DLGAP1: variants seen among roughly 807,000 people sequenced by gnomAD.
DLGAP1 encodes DLG associated protein 1.
DLGAP1 carries 11 observed loss-of-function variants against 90.8 expected under a neutral mutation model. That is an observed-to-expected ratio of 0.12 (90% CI 0.08 to 0.20). DLGAP1 has a LOEUF of 0.20. Among genes scored for constraint, DLGAP1 ranks in the 10% least tolerant of loss-of-function variants. The pLI, the probability that DLGAP1 is intolerant of heterozygous loss-of-function variation, is 1.00. For synonymous variants in DLGAP1, 558 were observed against 540.7 expected (o/e 1.03, Z -0.44); for missense variants, 1,050 against 1,333.8 (o/e 0.79, Z 3.31).
intron 4 of DLGAP1, among the ~76,000 whole-genome samples, chr18:3,876,635 G>A (rs990644316): frequency 1.3e-5 from 2 of 152,118 alleles, no homozygotes; most frequent in Non-Finnish European, 2.9e-5. Context: ...GGAAGTAAAG[G>A]GATTAATATG....
At chr18:3,941,794 C>G (rs544929298) in intron 3 of DLGAP1, among the ~76,000 whole-genome samples, 1 of 152,292 alleles carries the variant, frequency 6.6e-6, no homozygotes, top group South Asian at 2.1e-4. Context: ...TTCACTGCAG[C>G]CTCCACCTCC....
intron 3 of DLGAP1, among the ~76,000 whole-genome samples, chr18:3,905,840 G>C (rs1033098948): frequency 5.9e-5 from 9 of 152,212 alleles, no homozygotes; most frequent in African/African-American, 2.2e-4. Flanking sequence ...TCCTCACTTA[G>C]AGGTACAGCA....
chr18:3,686,830 G>A (rs1422820586), intron 7 of DLGAP1, among the ~76,000 whole-genome samples: 1 of 152,174 alleles, frequency 6.6e-6, no homozygotes, highest in Non-Finnish European at 1.5e-5. Flanking sequence ...AGATACATAA[G>A]TTCTAATCCT....
intron 3 of DLGAP1, among the ~76,000 whole-genome samples, chr18:3,974,143 C>T (rs904711202): frequency 1.3e-5 from 2 of 151,810 alleles, no homozygotes; most frequent in South Asian, 4.2e-4. Flanking sequence ...GGCGCAATCT[C>T]GGCTCACTGC....
chr18:3,667,316 C>T (rs1203686011), intron 7 of DLGAP1, among the ~76,000 whole-genome samples: 5 of 152,040 alleles, frequency 3.3e-5, no homozygotes, highest in Admixed American at 2.0e-4. Context: ...TGACCTCGAA[C>T]GATCCACCTG....
intron 8 of DLGAP1, among the ~76,000 whole-genome samples, chr18:3,570,296 T>G (rs959268616): frequency 1.4e-5 from 2 of 145,402 alleles, no homozygotes; most frequent in Non-Finnish European, 3.0e-5. Context: ...TTTTTTTTTT[T>G]GAGATGGAGT....
intron 1 of DLGAP1, among the ~76,000 whole-genome samples, chr18:4,266,740 T>G (rs1829514089): frequency 6.6e-6 from 1 of 152,216 alleles, no homozygotes; most frequent in Non-Finnish European, 1.5e-5. Flanking sequence ...GATGATTACA[T>G]ACATCCATGT....
At position 3,576,096 on chromosome 18, in the gene DLGAP1, C is replaced by A. The variant is rs138201279; in HGVS notation, c.1965+5779G>T. On this transcript the variant is annotated intron_variant, in intron 8 of 12. Coordinates refer to ENST00000315677, the MANE Select transcript of DLGAP1 (RefSeq NM_004746.4). ...TACATTTAGCTGCTCTTCGACACTG[C>A]GGCCAGGACTCCCAAACTACATTTC... Among the ~76,000 whole-genome samples the A allele has an allele frequency of 8.2e-3, 1,249 of 152,260 alleles. 5 individuals are homozygous for A. Among genetic ancestry groups the A allele is most frequent in the Middle Eastern group, 0.02 (6 of 294 alleles).
intron 1 of DLGAP1, among the ~76,000 whole-genome samples, chr18:4,386,125 G>A (rs1368562346): frequency 2.6e-5 from 4 of 152,050 alleles, no homozygotes; most frequent in Non-Finnish European, 5.9e-5. Context: ...CTGGGGAAGG[G>A]GGTGGCTACA....
chr18:3,997,030 C>T (rs117449425), intron 3 of DLGAP1, among the ~76,000 whole-genome samples: 519 of 85,534 alleles, frequency 6.1e-3, no homozygotes, highest in Middle Eastern at 0.024. Context: ...GCAGAGTTTT[C>T]TTTTTTTTTT....
chr18:4,361,697 T>G (rs1246325179), intron 1 of DLGAP1, among the ~76,000 whole-genome samples: 1 of 152,190 alleles, frequency 6.6e-6, no homozygotes, highest in African/African-American at 2.4e-5. Flanking sequence ...GCAACTATTT[T>G]TTTGATTAAC....
At chr18:4,071,325 A>G (rs897708636) in intron 2 of DLGAP1, among the ~76,000 whole-genome samples, 5 of 152,160 alleles carry the variant, frequency 3.3e-5, no homozygotes, top group African/African-American at 1.2e-4. Context: ...CTGGATTGGA[A>G]TCTTTCTTTG....
intron 2 of DLGAP1, among the ~76,000 whole-genome samples, chr18:4,014,418 G>A (rs946149090): frequency 4.6e-5 from 7 of 152,140 alleles, no homozygotes; most frequent in Non-Finnish European, 8.8e-5. Context: ...TTGTGGGGGT[G>A]AAGAGATGTT....
At chr18:4,011,429 A>T (rs149666657) in intron 2 of DLGAP1, among the ~76,000 whole-genome samples, 49 of 152,280 alleles carry the variant, frequency 3.2e-4, no homozygotes, top group African/African-American at 1.2e-3. Flanking sequence ...TATTTCAGAC[A>T]GAGCAATAGT....
intron 1 of DLGAP1, among the ~76,000 whole-genome samples, chr18:4,384,802 T>TCTAA (rs59590536): frequency 0.071 from 10,870 of 152,070 alleles, 1,289 homozygotes; most frequent in African/African-American, 0.25. Context: ...CAAACAAAAA[T>TCTAA]CTATCTTATT....
chr18:3,731,994 C>T (rs1456321807), intron 6 of DLGAP1, among the ~76,000 whole-genome samples: 2 of 152,140 alleles, frequency 1.3e-5, no homozygotes, highest in Non-Finnish European at 2.9e-5. Flanking sequence ...TGTTTTATTT[C>T]ACCCAAGCGT....
chr18:4,217,297 T>C (rs1449707698), intron 1 of DLGAP1, among the ~76,000 whole-genome samples: 1 of 152,150 alleles, frequency 6.6e-6, no homozygotes, highest in African/African-American at 2.4e-5. Flanking sequence ...GATATCTTGG[T>C]TGTTTCTAAG....
At chr18:3,898,629 G>A (rs1461983795) in intron 3 of DLGAP1, among the ~76,000 whole-genome samples, 1 of 152,148 alleles carries the variant, frequency 6.6e-6, no homozygotes, top group African/African-American at 2.4e-5. Flanking sequence ...GGATGGGGGT[G>A]GCAAGCTGAC....
At chr18:3,587,516 T>C (rs2055959874) in intron 7 of DLGAP1, among the ~76,000 whole-genome samples, 1 of 152,148 alleles carries the variant, frequency 6.6e-6, no homozygotes, top group African/African-American at 2.4e-5. Context: ...ATCAACACTC[T>C]GTAAAACGGA....
Sources: allele counts gnomAD v4.1 joint callset (sites outside exome capture counted in the v4.1 genomes callset), GRCh38; gene constraint gnomAD v4.1.1; transcripts MANE v1.5; gene names NCBI Gene and HGNC (gene_info 2026-07-23, HGNC 2026-07-21).